The following DTWD1 variants were observed in gnomAD, a reference collection of about 807,000 sequenced individuals.
The protein encoded by DTWD1 is tRNA-uridine aminocarboxypropyltransferase 1.
Under a neutral mutation model 30.2 loss-of-function variants are expected in DTWD1, and 27 were observed. That is an observed-to-expected ratio of 0.90 (90% CI 0.66 to 1.23). The LOEUF is 1.23. DTWD1 is among the 50% of genes most tolerant of loss of function. The pLI, the probability that DTWD1 is intolerant of heterozygous loss-of-function variation, is 0.00. For missense variants in DTWD1, 342 were observed against 348.8 expected, an observed-to-expected ratio of 0.98 and a Z score of 0.15; for synonymous variants, 99 against 113.1, an observed-to-expected ratio of 0.88 and a Z score of 0.79.
rs566795451 is a variant in DTWD1, at chr15:49,646,336, T to A, written c.*2758T>A. On this transcript the variant is annotated 3_prime_UTR_variant, in exon 5 of 5. Transcript: ENST00000403028. ...TCTTTGGATGCATTATCAGATCATC[T>A]TCTTCAAGTACCTTAGAAGATTCTC... The A allele has an allele frequency of 2.0e-4, 30 of 152,368 alleles. No individual in the cohort carries two copies. The highest frequency in any genetic ancestry group is 7.2e-4 in the African/African-American group (30 of 41,594). The allele number at this position is 152,368 out of a possible 1,614,324, so 9.4% of individuals were successfully genotyped here. A position where few individuals can be genotyped will look rare whatever the true frequency, so the allele number is the denominator to read the frequency against.
chr15:49,649,311 T>C lies in DTWD1; in HGVS notation c.*5733T>C, dbSNP rs1182516325. ...TCATGCAATTAATCAAGTATGAATA[T>C]AGTATAAAGACACAGAAGGTCTCAA... On this transcript the variant is annotated 3_prime_UTR_variant, in exon 5 of 5. Coordinates refer to ENST00000403028, the MANE Select transcript of DTWD1 (RefSeq NM_001144955.2). The C allele has an allele frequency of 6.6e-6, 1 of 152,164 alleles. No homozygotes were observed. The highest frequency in any genetic ancestry group is 1.5e-5 in the Non-Finnish European group (1 of 68,026). The allele number at this position is 152,164 out of a possible 1,614,324, so 9.4% of individuals were successfully genotyped here.
chr15:49,634,915 CTTTA>C (rs1442332320), intron 4 of DTWD1, 121 bp downstream of exon 4: 2 of 876,294 alleles, frequency 2.3e-6, no homozygotes, highest in Non-Finnish European at 1.7e-6. Context: ...GCCATATTTA[CTTTA>C]TTTCTCTCTT....
chr15:49,640,837 T>G (rs8041771), intron 4 of DTWD1, among the ~76,000 whole-genome samples: 9,078 of 152,102 alleles, frequency 0.06, 704 homozygotes, highest in African/African-American at 0.18. Context: ...TCTTGCAGTT[T>G]GTGGTTCATC....
In DTWD1 at chr15:49,652,417, C is replaced by T. The variant is rs1345089382; in HGVS notation, c.*8839C>T. On this transcript the variant is annotated 3_prime_UTR_variant, in exon 5 of 5. Transcript: ENST00000403028. The stretch of plus-strand genomic sequence containing the variant: ...TGTGGTGCCCAAGTGATAAACCTAC[C>T]AAATTGAGACTAATGTGTAGGTGTG... 1 of 152,062 alleles carries T rather than the reference C, an allele frequency of 6.6e-6. No homozygotes were observed. The highest frequency in any genetic ancestry group is 1.5e-5 in the Non-Finnish European group (1 of 68,032). 9.4% of individuals were successfully genotyped at this position (152,062 alleles called of 1,614,324 possible). A position where few individuals can be genotyped will look rare whatever the true frequency, so the allele number is the denominator to read the frequency against.
At chr15:49,625,075 T>C in intron 1 of DTWD1, 38 bp from the exon 2 acceptor site, 2 of 1,271,414 alleles carry the variant, frequency 1.6e-6, no homozygotes, top group Admixed American at 2.5e-5. Context: ...ATGTTTTCTG[T>C]TTTTATTTTT....
chr15:49,650,370 A>G lies in DTWD1; in HGVS notation c.*6792A>G, dbSNP rs989111304. 2.0e-5 allele frequency: 3 copies of G among 152,178 alleles called. No individual in the cohort carries two copies. Among genetic ancestry groups the G allele is most frequent in the Non-Finnish European group, 4.4e-5 (3 of 68,034 alleles). 9.4% of individuals were successfully genotyped at this position (152,178 alleles called of 1,614,324 possible). ...AGACTGCAAGAGAGTAAGAAATAAA[A>G]TAGGAAGATCAATTAGAATGCTATT... On this transcript the variant is annotated 3_prime_UTR_variant, in exon 5 of 5. Transcript: ENST00000403028.
At chr15:49,641,656 G>A (rs576061384) in intron 4 of DTWD1, among the ~76,000 whole-genome samples, 14 of 152,092 alleles carry the variant, frequency 9.2e-5, no homozygotes, top group African/African-American at 3.4e-4. Flanking sequence ...TCTATTAAAT[G>A]TTTATCACTT....
rs889824988 is a variant in DTWD1 at position 49,648,706 on chromosome 15, C to A, written c.*5128C>A. 6.6e-6 allele frequency: 1 copy of A among 152,134 alleles called. No homozygotes were observed. Among genetic ancestry groups the A allele is most frequent in the Non-Finnish European group, 1.5e-5 (1 of 68,018 alleles). The allele number at this position is 152,134 out of a possible 1,614,324, so 9.4% of individuals were successfully genotyped here. A position where few individuals can be genotyped will look rare whatever the true frequency, so the allele number is the denominator to read the frequency against. ...ATCATATTTATCTCATTATATATTA[C>A]AGAATATTTTGTTTGATGGAGAAAA... On this transcript the variant is annotated 3_prime_UTR_variant, in exon 5 of 5. Transcript: ENST00000403028.
Position 49,649,820 on chromosome 15 carries a change from T to G in DTWD1, c.*6242T>G, listed in dbSNP as rs1333977417. On this transcript the variant is annotated 3_prime_UTR_variant, in exon 5 of 5. Coordinates refer to ENST00000403028, the MANE Select transcript of DTWD1 (RefSeq NM_001144955.2). Reference sequence around the variant, plus strand: ...TTCATTCATCCATTCTAAAAAATTTTGAGTGCATACTATGTGTCAAATTAT... The same window carrying G: ...TTCATTCATCCATTCTAAAAAATTTGGAGTGCATACTATGTGTCAAATTAT... 1 of 152,192 alleles carries G rather than the reference T, an allele frequency of 6.6e-6. No individual in the cohort carries two copies. The highest frequency in any genetic ancestry group is 1.5e-5 in the Non-Finnish European group (1 of 68,046). The allele number at this position is 152,192 out of a possible 1,614,324, so 9.4% of individuals were successfully genotyped here.
rs2079174522 is a variant in DTWD1, at chr15:49,655,969, G to A, written c.*12391G>A. 6.6e-6 allele frequency: 1 copy of A among 152,026 alleles called. No individual in the cohort carries two copies. The highest frequency in any genetic ancestry group is 2.4e-5 in the African/African-American group (1 of 41,414). The allele number at this position is 152,026 out of a possible 1,614,324, so 9.4% of individuals were successfully genotyped here. ...AGTATGAATATAAGTTAAACTTAGA[G>A]GTGATATCTATTTTGTGGTTAAATG... On this transcript the variant is annotated 3_prime_UTR_variant, in exon 5 of 5. Coordinates refer to ENST00000403028, the MANE Select transcript of DTWD1 (RefSeq NM_001144955.2).
rs144563843 is a variant in DTWD1 at position 49,639,187 on chromosome 15, A to G, written c.668-4144A>G. ...TAAAGGATGTCACCCTCACTTTGCA[A>G]TTGAAGAAACTGAGGCAGCACTTTT... On this transcript the variant is annotated intron_variant, in intron 4 of 4. Transcript: ENST00000403028. 2.0e-3 allele frequency among the ~76,000 whole-genome samples: 311 copies of G among 152,320 alleles called. 2 individuals carry two copies. The highest frequency in any genetic ancestry group is 7.1e-3 in the African/African-American group (297 of 41,592).
chr15:49,624,417 A>G (rs2078811338), intron 1 of DTWD1, among the ~76,000 whole-genome samples: 3 of 152,228 alleles, frequency 2.0e-5, no homozygotes, highest in Admixed American at 2.0e-4. Flanking sequence ...TTTGAAGAAA[A>G]TATTAAGTGG....
chr15:49,633,667 T>C, intron 3 of DTWD1: 1 of 251,972 alleles, frequency 4.0e-6, no homozygotes, highest in Non-Finnish European at 7.9e-6. Flanking sequence ...TATTTTATTG[T>C]GATTTTGTTT....
chr15:49,630,451 C>A (rs1467567228), intron 2 of DTWD1, among the ~76,000 whole-genome samples: 1 of 152,008 alleles, frequency 6.6e-6, no homozygotes, highest in Non-Finnish European at 1.5e-5. Context: ...AACAAAAGGT[C>A]ATTTAAAAGC....
chr15:49,630,390 A>T (rs1469103948), intron 2 of DTWD1, among the ~76,000 whole-genome samples: 1 of 152,316 alleles, frequency 6.6e-6, no homozygotes, highest in East Asian at 1.9e-4. Context: ...CTAGAATCCT[A>T]CTTATTTAGC....
intron 4 of DTWD1, among the ~76,000 whole-genome samples, chr15:49,642,235 T>C (rs2079073905): frequency 6.6e-6 from 1 of 152,148 alleles, no homozygotes; most frequent in South Asian, 2.1e-4. Context: ...ACCTTCTCTC[T>C]TTTATTTCTC....
At chr15:49,623,649 T>C (rs2078799771) in intron 1 of DTWD1, 2 of 152,304 alleles carry the variant, frequency 1.3e-5, no homozygotes, top group South Asian at 2.1e-4. Context: ...CAAAATATTG[T>C]GTCTGTATAT....
In DTWD1 at chr15:49,644,664, C is replaced by T. The variant is rs2079104176; in HGVS notation, c.*1086C>T. ...CATGTCATCATCAGTTGGCTGTGTTCCTCTACTAAATAGTACCTTATCAGG... is the reference window on the plus strand; with the variant it reads ...CATGTCATCATCAGTTGGCTGTGTTTCTCTACTAAATAGTACCTTATCAGG... On this transcript the variant is annotated 3_prime_UTR_variant, in exon 5 of 5. Transcript: ENST00000403028. The T allele has an allele frequency of 6.6e-6, 1 of 152,116 alleles. No individual in the cohort carries two copies. The highest frequency in any genetic ancestry group is 2.1e-4 in the South Asian group (1 of 4,816). 9.4% of individuals were successfully genotyped at this position (152,116 alleles called of 1,614,324 possible).
intron 1 of DTWD1, 114 bp downstream of exon 1, chr15:49,621,236 G>A (rs2078694585): frequency 6.6e-6 from 1 of 152,232 alleles, no homozygotes; most frequent in African/African-American, 2.4e-5. Context: ...GGACCCTAGC[G>A]GAGGTCGCGC....
Sources: allele counts gnomAD v4.1 joint callset (sites outside exome capture counted in the v4.1 genomes callset), GRCh38; gene constraint gnomAD v4.1.1; transcripts MANE v1.5; gene names NCBI Gene and HGNC (gene_info 2026-07-23, HGNC 2026-07-21).